The following DCDC1 variants were observed in gnomAD, a reference collection of about 807,000 sequenced individuals.
DCDC1 encodes the protein doublecortin domain containing 1.
In DCDC1, 200 loss-of-function variants were observed where a neutral mutation model predicts 178.3. That is an observed-to-expected ratio of 1.12 (90% CI 1.00 to 1.26). The LOEUF is 1.26. Among genes scored for constraint, DCDC1 ranks in the 50% most tolerant of loss-of-function variants. DCDC1 has a pLI of 0.00. For synonymous variants in DCDC1, 690 were observed against 604.8 expected, an observed-to-expected ratio of 1.14 and a Z score of -2.07; for missense variants, 1,983 against 1,749.2, an observed-to-expected ratio of 1.13 and a Z score of -2.38.
chr11:30,909,061 T>C lies in DCDC1; in HGVS notation c.3803A>G (p.Asn1268Ser). ...AANQKWHYMK[N>S]IKALVAFHST... is the part of the protein sequence containing the mutation. ...ATGAAAGGCCACAAGTGCTTTTATA[T>C]TTTTCATGTAATGCCACTTTTGATT... is the stretch of plus-strand genomic sequence containing the variant. Residue 1268 changes from asparagine (N) to serine (S), a missense_variant, in exon 29 of 39, where the codon AAT (asparagine) becomes AGT (serine). Transcript: ENST00000684477. 6.2e-7 allele frequency: 1 copy of C among 1,611,810 alleles called. No homozygotes were observed. Among genetic ancestry groups the C allele is most frequent in the Non-Finnish European group, 8.5e-7 (1 of 1,178,606 alleles).
intron 15 of DCDC1, among the ~76,000 whole-genome samples, chr11:31,100,816 A>G (rs1958458888): frequency 1.3e-5 from 2 of 152,362 alleles, no homozygotes; most frequent in African/African-American, 2.4e-5. Context: ...ATGTGTTTTC[A>G]GCAGGAAAAT....
intron 20 of DCDC1, among the ~76,000 whole-genome samples, chr11:30,995,836 A>ATTTTC (rs1951233936): frequency 6.6e-6 from 1 of 152,172 alleles, no homozygotes; most frequent in East Asian, 1.9e-4. Context: ...CATCTAGAAA[A>ATTTTC]TAATAGGAGT....
At chr11:30,939,890 C>A (rs1178658698) in intron 21 of DCDC1, among the ~76,000 whole-genome samples, 3 of 152,164 alleles carry the variant, frequency 2.0e-5, no homozygotes. Flanking sequence ...ACTATTAGAT[C>A]ATGAAATTAT....
At chr11:31,145,342 G>A (rs918923888) in intron 9 of DCDC1, among the ~76,000 whole-genome samples, 31 of 152,218 alleles carry the variant, frequency 2.0e-4, no homozygotes, top group African/African-American at 7.0e-4. Flanking sequence ...TGGGCAGAGA[G>A]GCAGGAGAAA....
intron 9 of DCDC1, among the ~76,000 whole-genome samples, chr11:31,206,891 G>A (rs1391706968): frequency 6.6e-6 from 1 of 152,126 alleles, no homozygotes; most frequent in Non-Finnish European, 1.5e-5. Flanking sequence ...TTCAATATGA[G>A]AAATCACAGG....
At chr11:30,999,598 A>C (rs1486106493) in intron 20 of DCDC1, among the ~76,000 whole-genome samples, 1 of 152,104 alleles carries the variant, frequency 6.6e-6, no homozygotes, top group Non-Finnish European at 1.5e-5. Context: ...CTTTGGTCCA[A>C]ATTCCAGCTT....
At chr11:31,079,558 T>A (rs1309820646) in intron 17 of DCDC1, among the ~76,000 whole-genome samples, 1 of 152,208 alleles carries the variant, frequency 6.6e-6, no homozygotes, top group Non-Finnish European at 1.5e-5. Flanking sequence ...ACTGGTGTTT[T>A]AAGTGAAGGC....
At chr11:30,895,330 C>T (rs1944112777) in intron 34 of DCDC1, among the ~76,000 whole-genome samples, 1 of 152,108 alleles carries the variant, frequency 6.6e-6, no homozygotes, top group Non-Finnish European at 1.5e-5. Flanking sequence ...AATTGGGCTG[C>T]ACCGGGAAAG....
intron 8 of DCDC1, among the ~76,000 whole-genome samples, chr11:31,242,854 T>A: frequency 6.6e-6 from 1 of 151,864 alleles, no homozygotes; most frequent in East Asian, 1.9e-4. Flanking sequence ...TCCACAACTC[T>A]CTACCAAAGC....
chr11:31,300,694 T>C (rs1036813048), intron 6 of DCDC1, among the ~76,000 whole-genome samples: 22 of 152,056 alleles, frequency 1.4e-4, no homozygotes, highest in Admixed American at 5.2e-4. Flanking sequence ...AGAATAACTA[T>C]AGAATATATA....
intron 9 of DCDC1, among the ~76,000 whole-genome samples, chr11:31,143,238 TATCTGGC>T (rs951265623): frequency 1.3e-5 from 2 of 152,190 alleles, no homozygotes; most frequent in Non-Finnish European, 2.9e-5. Flanking sequence ...TAATAGGTAG[TATCTGGC>T]TAGAAAAAGA....
intron 20 of DCDC1, among the ~76,000 whole-genome samples, chr11:31,056,025 C>T (rs1033240061): frequency 1.1e-4 from 17 of 152,114 alleles, no homozygotes; most frequent in East Asian, 9.6e-4. Flanking sequence ...TTTAAAAATA[C>T]GTATAGAACT....
At chr11:31,070,337 C>T (rs920280153) in intron 18 of DCDC1, among the ~76,000 whole-genome samples, 1 of 152,130 alleles carries the variant, frequency 6.6e-6, no homozygotes, top group African/African-American at 2.4e-5. Flanking sequence ...CTTTTCTTCC[C>T]TTCAACTTCA....
intron 3 of DCDC1, among the ~76,000 whole-genome samples, chr11:31,315,578 C>T (rs1591739694): frequency 6.6e-6 from 1 of 151,444 alleles, no homozygotes; most frequent in South Asian, 2.1e-4. Context: ...CCTTGTGATC[C>T]GCCCACCTGG....
At chr11:31,093,200 T>C (rs1167957815) in intron 16 of DCDC1, among the ~76,000 whole-genome samples, 1 of 152,202 alleles carries the variant, frequency 6.6e-6, no homozygotes, top group Admixed American at 6.5e-5. Flanking sequence ...ATATATGAAA[T>C]AAATAATATG....
At chr11:31,179,992 T>G (rs1968569901) in intron 9 of DCDC1, among the ~76,000 whole-genome samples, 1 of 152,070 alleles carries the variant, frequency 6.6e-6, no homozygotes, top group Admixed American at 6.5e-5. Flanking sequence ...CATATGCAAA[T>G]CAATAAACAT....
intron 21 of DCDC1, among the ~76,000 whole-genome samples, chr11:30,938,199 G>A (rs888475399): frequency 1.3e-5 from 2 of 151,442 alleles, no homozygotes; most frequent in African/African-American, 2.4e-5. Context: ...TTTCTCTCTC[G>A]TTCATTTTTC....
intron 1 of DCDC1, among the ~76,000 whole-genome samples, chr11:31,354,014 G>A (rs11608013): frequency 8.5e-5 from 13 of 152,194 alleles, no homozygotes; most frequent in Non-Finnish European, 1.8e-4. Flanking sequence ...AAGGCCAGGC[G>A]CGGTGGCTCA....
At chr11:31,006,929 C>A (rs1951879313) in intron 20 of DCDC1, among the ~76,000 whole-genome samples, 1 of 152,154 alleles carries the variant, frequency 6.6e-6, no homozygotes, top group Non-Finnish European at 1.5e-5. Context: ...TTACCTTTGA[C>A]CAATGCTATT....
Sources: allele counts gnomAD v4.1 joint callset (sites outside exome capture counted in the v4.1 genomes callset), GRCh38; gene constraint gnomAD v4.1.1; transcripts MANE v1.5; gene names NCBI Gene and HGNC (gene_info 2026-07-23, HGNC 2026-07-21).